The following TRPV3 variants were observed in gnomAD, a reference collection of about 807,000 sequenced individuals.
TRPV3 encodes the protein VRL-3.
TRPV3 carries 88 observed loss-of-function variants against 87.1 expected under a neutral mutation model. The ratio of observed to expected loss-of-function variants is 1.01; its 90% CI spans 0.85 to 1.21. The LOEUF (loss-of-function observed/expected upper bound fraction) is 1.21. Ranked by LOEUF, TRPV3 falls within the 50% of genes most tolerant of loss-of-function variation. TRPV3 has a pLI of 0.00. For missense variants in TRPV3, 1,054 were observed against 1,030.1 expected (o/e 1.02, Z -0.32); for synonymous variants, 438 against 423.3 (o/e 1.03, Z -0.43).
rs1219410175 is a variant in TRPV3, at chr17:3,554,940, C to G, written c.-2-88G>C. 4.1e-6 allele frequency: 3 copies of G among 730,082 alleles called. No individual in the cohort carries two copies. In the Admixed American group the frequency reaches 7.2e-5, roughly 18 times the overall value. 45.2% of individuals were successfully genotyped at this position (730,082 alleles called of 1,614,324 possible). On this transcript the variant is annotated intron_variant, in intron 1 of 17. Coordinates refer to ENST00000576742, the MANE Select transcript of TRPV3 (RefSeq NM_145068.4). ...AGGGGCCCCATGTGGCTGCATCCAG[C>G]TCCCGTTCACACTACCTGGAACTGG...
chr17:3,514,201 C>G (rs1169637346), intron 17 of TRPV3, 190 bp from the exon 18 acceptor site: 2 of 526,308 alleles, frequency 3.8e-6, no homozygotes, highest in East Asian at 6.8e-5. Flanking sequence ...GACTCAGCCT[C>G]TCGAGTAGCT....
At chr17:3,529,916 A>C in intron 9 of TRPV3, 111 bp downstream of exon 9, 1 of 1,270,738 alleles carries the variant, frequency 7.9e-7, no homozygotes, top group South Asian at 1.5e-5. Context: ...GGGTATGCAG[A>C]TGCCGAGGGA....
At chr17:3,551,867 A>ATGCT (rs2074577878) in intron 2 of TRPV3, among the ~76,000 whole-genome samples, 1 of 24,002 alleles carries the variant, frequency 4.2e-5, no homozygotes, top group Non-Finnish European at 1.2e-4. Context: ...CCTGTAATTT[A>ATGCT]TTCTTTTTTT....
intron 12 of TRPV3, among the ~76,000 whole-genome samples, chr17:3,525,014 T>G (rs2074283065): frequency 6.6e-6 from 1 of 151,886 alleles, no homozygotes; most frequent in Non-Finnish European, 1.5e-5. Context: ...AATCGTGGTG[T>G]TTTTTGGGGG....
In TRPV3 at chr17:3,543,464, A is replaced by G; in HGVS notation, c.466+10T>C. The G allele has an allele frequency of 6.2e-7, 1 of 1,612,394 alleles. No homozygotes were observed. Among genetic ancestry groups the G allele is most frequent in the Non-Finnish European group, 8.5e-7 (1 of 1,179,922 alleles). On this transcript the variant is annotated intron_variant, in intron 5 of 17. Transcript: ENST00000576742. ...CAGCCCTGCACCCTCTGCCAGGCTCAGACACTCACCAGGCACATCCTCATC... is the reference window on the plus strand; with the variant it reads ...CAGCCCTGCACCCTCTGCCAGGCTCGGACACTCACCAGGCACATCCTCATC...
intron 7 of TRPV3, among the ~76,000 whole-genome samples, chr17:3,533,605 T>A (rs1202894619): frequency 2.0e-5 from 3 of 151,846 alleles, no homozygotes; most frequent in Non-Finnish European, 4.4e-5. Context: ...TTCAAGCTAT[T>A]CTCCTGCCTC....
intron 12 of TRPV3, among the ~76,000 whole-genome samples, chr17:3,526,426 C>T (rs112262673): frequency 0.023 from 3,500 of 151,944 alleles, 118 homozygotes; most frequent in African/African-American, 0.079. Context: ...TGCAGTGAGC[C>T]GAGGTCACGC....
At chr17:3,522,984 G>A (rs757074766) in intron 13 of TRPV3, among the ~76,000 whole-genome samples, 3 of 150,478 alleles carry the variant, frequency 2.0e-5, no homozygotes, top group Non-Finnish European at 4.4e-5. Context: ...GCAGTTTCAG[G>A]CATTCATGGG....
chr17:3,546,968 A>AAAAAAAAAAAAAC (rs1555546263), intron 2 of TRPV3, among the ~76,000 whole-genome samples: 2 of 78,218 alleles, frequency 2.6e-5, no homozygotes, highest in African/African-American at 5.4e-5. Context: ...ACTCCTTCTC[A>AAAAAAAAAAAAAC]AAAAAAAAAA....
At chr17:3,519,474 AT>A (rs1188889660) in intron 14 of TRPV3, among the ~76,000 whole-genome samples, 16 of 147,468 alleles carry the variant, frequency 1.1e-4, no homozygotes, top group African/African-American at 4.1e-4. Flanking sequence ...GGATGGATGG[AT>A]AGATGATTGG....
chr17:3,549,650 T>TGATG (rs999639602), intron 2 of TRPV3, among the ~76,000 whole-genome samples: 1 of 152,078 alleles, frequency 6.6e-6, no homozygotes, highest in East Asian at 1.9e-4. Flanking sequence ...GATGGGTGGA[T>TGATG]GATGGATGGA....
chr17:3,532,621 C>G (rs2074358745), intron 8 of TRPV3, 36 bp downstream of exon 8: 5 of 1,607,844 alleles, frequency 3.1e-6, no homozygotes, highest in Non-Finnish European at 4.2e-6. Context: ...CTCCTGACCT[C>G]CCGACCTCCT....
chr17:3,515,615 C>T (rs757590975), intron 16 of TRPV3, among the ~76,000 whole-genome samples: 6 of 150,646 alleles, frequency 4.0e-5, no homozygotes, highest in Admixed American at 4.0e-4. Flanking sequence ...GAGCAGAGAT[C>T]GCATCACTGC....
intron 12 of TRPV3, among the ~76,000 whole-genome samples, chr17:3,525,406 CAG>C (rs2074290606): frequency 6.6e-6 from 1 of 152,006 alleles, no homozygotes. Context: ...GTCCAATTCA[CAG>C]AGAAAGATGG....
In TRPV3 at chr17:3,518,494, C is replaced by G; in HGVS notation, c.2085+82G>C. ...ATTCTCAGGCCCCACCTCAGACCCA[C>G]TGGTGCTGACAGTAGTCAATGACCA... On this transcript the variant is annotated intron_variant, in intron 15 of 17. Transcript: ENST00000576742. This position sits in a 1 kb window ranked among gnomAD's most constrained non-coding sequence, Gnocchi z 4.3. The G allele has an allele frequency of 1.4e-6, 2 of 1,453,102 alleles. No homozygotes were observed. Among genetic ancestry groups the G allele is most frequent in the Non-Finnish European group, 1.8e-6 (2 of 1,089,648 alleles). The allele number at this position is 1,453,102 out of a possible 1,614,324, so 90.0% of individuals were successfully genotyped here.
chr17:3,545,189 T>C lies in TRPV3; in HGVS notation c.202A>G (p.Met68Val). 6.2e-7 allele frequency: 1 copy of C among 1,613,824 alleles called. No individual in the cohort carries two copies. Among genetic ancestry groups the C allele is most frequent in the Non-Finnish European group, 8.5e-7 (1 of 1,179,868 alleles). The change falls in exon 3 of 18, where the codon ATG (methionine) becomes GTG (valine). Residue 68 changes from methionine to valine, a missense_variant. Transcript: ENST00000576742. ...CACCACTGCCGGATGTTGGAATCCA[T>C]GGGCTTGGAGAAGACAGGAGGAGAG... Reference protein sequence around the residue: ...KTSPPVFSKPMDSNIRQCISG... With the variant: ...KTSPPVFSKPVDSNIRQCISG...
intron 2 of TRPV3, among the ~76,000 whole-genome samples, chr17:3,548,080 C>G (rs1328843283): frequency 2.0e-5 from 3 of 152,222 alleles, no homozygotes; most frequent in Non-Finnish European, 4.4e-5. Context: ...GTGGCCTGGC[C>G]AGGGACTGTG....
chr17:3,554,889 G>A (rs1211073337), intron 1 of TRPV3, 37 bp from the exon 2 acceptor site: 3 of 1,462,058 alleles, frequency 2.1e-6, no homozygotes, highest in Non-Finnish European at 2.8e-6. Flanking sequence ...TCAGGCCGGG[G>A]GGACAGGGGG....
intron 15 of TRPV3, among the ~76,000 whole-genome samples, chr17:3,516,936 A>G (rs977144720): frequency 6.6e-6 from 1 of 151,640 alleles, no homozygotes. Flanking sequence ...ACCTGAGATC[A>G]GGAGTTCGAG....
Sources: gnomAD v4.1 joint callset for allele counts (sites outside exome capture counted in the v4.1 genomes callset) on GRCh38, gnomAD v4.1.1 for gene constraint, Gnocchi (gnomAD v3.1) non-coding constraint, MANE v1.5 for transcripts, NCBI Gene and HGNC (gene_info 2026-07-23, HGNC 2026-07-21) for gene names.